Variants in SYDE1 observed in about 807,000 individuals in gnomAD.
SYDE1 encodes the protein rho GTPase-activating protein SYDE1.
SYDE1 carries 34 observed loss-of-function variants against 63.3 expected under a neutral mutation model. That is an observed-to-expected ratio of 0.54 (90% CI 0.41 to 0.71). The LOEUF (loss-of-function observed/expected upper bound fraction) is 0.71. Ranked by LOEUF, SYDE1 falls within the 30% of genes least tolerant of loss-of-function variation. SYDE1 has a pLI of 0.00. For synonymous variants in SYDE1, 467 were observed against 473.4 expected, an observed-to-expected ratio of 0.99 and a Z score of 0.18; for missense variants, 925 against 1,042.5, an observed-to-expected ratio of 0.89 and a Z score of 1.55.
rs1167864230 is a variant in SYDE1, at chr19:15,109,113, A to G, written c.146A>G (p.Glu49Gly). 6.5e-7 allele frequency: 1 copy of G among 1,545,552 alleles called. No homozygotes were observed. Among genetic ancestry groups the G allele is most frequent in the Non-Finnish European group, 8.7e-7 (1 of 1,145,332 alleles). ...SPPEPEPQAP[E>G]GSQAGAEGPS... ...CCAGAGCCAGAGCCCCAGGCTCCCG[A>G]AGGGTCCCAGGCCGGAGCAGAGGGG... is the stretch of plus-strand genomic sequence containing the variant. The change falls in exon 2 of 8, where the codon GAA (glutamate) becomes GGA (glycine). Residue 49 changes from glutamate (E) to glycine (G), a missense_variant. Glu to Gly is a moderately conservative substitution (Grantham distance 98). Around this residue, in one of 3 missense-constraint regions of SYDE1, gnomAD observed 599 missense variants for 653.7 expected, o/e 0.92. Transcript: ENST00000342784. This position sits in a 1 kb window ranked among gnomAD's most constrained non-coding sequence, Gnocchi z 5.0.
In SYDE1 at chr19:15,108,943, A is replaced by T. The variant is rs2046322800; in HGVS notation, c.89-113A>T. 7.1e-7 allele frequency: 1 copy of T among 1,405,454 alleles called. No homozygotes were observed. The highest frequency in any genetic ancestry group is 3.0e-5 in the Admixed American group (1 of 33,150). 87.1% of individuals were successfully genotyped at this position (1,405,454 alleles called of 1,614,324 possible). On this transcript the variant is annotated intron_variant, in intron 1 of 7. Coordinates refer to ENST00000342784, the MANE Select transcript of SYDE1 (RefSeq NM_033025.6). This position sits in a 1 kb window ranked among gnomAD's most constrained non-coding sequence, Gnocchi z 4.3. ...AGCAGGATCCAAGGAACCATGACTT[A>T]TCAGGGGCCGGCCAGGGCCGTACAC... is the stretch of plus-strand genomic sequence containing the variant.
rs747842468 is a variant in SYDE1, at chr19:15,113,803, GCGAGGA to G, written c.2061_2066del (p.Asp687_Glu688del). ...TACGACCACGTGACGGGCAGTGACA[GCGAGGA>G]CGAGGACGAGGAGGTCGGCGAGCCG... On this transcript the variant is annotated inframe_deletion, in exon 8 of 8. Coordinates refer to ENST00000342784, the MANE Select transcript of SYDE1 (RefSeq NM_033025.6). 1.9e-4 allele frequency: 314 copies of G among 1,614,036 alleles called. 1 individual carries two copies. Among genetic ancestry groups the G allele is most frequent in the Non-Finnish European group, 2.4e-4 (284 of 1,180,060 alleles).
Position 15,111,184 on chromosome 19 carries a change from G to A in SYDE1, c.1291-129G>A. 1.0e-6 allele frequency: 1 copy of A among 997,970 alleles called. No individual in the cohort carries two copies. Among genetic ancestry groups the A allele is most frequent in the South Asian group, 1.5e-5 (1 of 64,998 alleles). 61.8% of individuals were successfully genotyped at this position (997,970 alleles called of 1,614,324 possible). A position where few individuals can be genotyped will look rare whatever the true frequency, so the allele number is the denominator to read the frequency against. ...AGGGTTTACAAGGCCAGGTTGTCAA[G>A]GTAGTTCCAACCTCCCAGCCCACAA... On this transcript the variant is annotated intron_variant, in intron 4 of 7. Transcript: ENST00000342784. This position sits in a 1 kb window ranked among gnomAD's most constrained non-coding sequence, Gnocchi z 5.5.
Position 15,108,860 on chromosome 19 carries a change from G to A in SYDE1, c.89-196G>A. 1 of 779,238 alleles carries A rather than the reference G, an allele frequency of 1.3e-6. No individual in the cohort carries two copies. Among genetic ancestry groups the A allele is most frequent in the Non-Finnish European group, 1.8e-6 (1 of 540,904 alleles). 48.3% of individuals were successfully genotyped at this position (779,238 alleles called of 1,614,324 possible). ...TTGGGATGCCAGGGACTGAGTAGGG[G>A]GTGCTCTAAGCTGATAACTGAGATC... On this transcript the variant is annotated intron_variant, in intron 1 of 7. Coordinates refer to ENST00000342784, the MANE Select transcript of SYDE1 (RefSeq NM_033025.6). This position sits in a 1 kb window ranked among gnomAD's most constrained non-coding sequence, Gnocchi z 4.3.
In SYDE1 at chr19:15,112,373, C is replaced by G; in HGVS notation, c.1606C>G (p.Leu536Val). Residue 536 changes from leucine (L) to valine (V), a missense_variant, in exon 7 of 8, where the codon CTG becomes GTG. Coordinates refer to ENST00000342784, the MANE Select transcript of SYDE1 (RefSeq NM_033025.6). The stretch of plus-strand genomic sequence containing the variant: ...CACGCTGACGCTTCTCCTGGACCAC[C>G]TGCGCCTCGTCTCCTCCTTCCATGC... ...RATLTLLLDHLRLVSSFHAYN... is the reference protein window; with the variant it reads ...RATLTLLLDHVRLVSSFHAYN... 1.3e-6 allele frequency: 2 copies of G among 1,581,974 alleles called. No homozygotes were observed. Among genetic ancestry groups the G allele is most frequent in the Non-Finnish European group, 1.7e-6 (2 of 1,163,584 alleles).
chr19:15,112,674 C>G lies in SYDE1; in HGVS notation c.1804+103C>G, dbSNP rs1281776528. On this transcript the variant is annotated intron_variant, in intron 7 of 7. Coordinates refer to ENST00000342784, the MANE Select transcript of SYDE1 (RefSeq NM_033025.6). ...TGTCTTAGGCTTGAAGCTACGCCCC[C>G]TCATGGAGTAAACTGGTACCTGGTT... The G allele has an allele frequency of 4.0e-6, 4 of 995,346 alleles. No homozygotes were observed. The African/African-American group carries it at 6.5e-5, about 16-fold the overall frequency. The allele number at this position is 995,346 out of a possible 1,614,324, so 61.7% of individuals were successfully genotyped here.
chr19:15,113,005 A>T (rs2046355069), intron 7 of SYDE1, among the ~76,000 whole-genome samples: 1 of 152,116 alleles, frequency 6.6e-6, no homozygotes, highest in Admixed American at 6.5e-5. Flanking sequence ...CCCAGGTTCA[A>T]GGGATTCTCC....
Position 15,114,294 on chromosome 19 carries a change from C to T in SYDE1, c.*331C>T, listed in dbSNP as rs943295635. On this transcript the variant is annotated 3_prime_UTR_variant, in exon 8 of 8. Transcript: ENST00000342784. ...CTGGCCTCTCTTGCCTCCCCTTGGC[C>T]GGGGCAACACCAGTTACTGTGAGCA... 16 of 321,712 alleles carry T rather than the reference C, an allele frequency of 5.0e-5. No individual in the cohort carries two copies. The highest frequency in any genetic ancestry group is 8.1e-5 in the Non-Finnish European group (14 of 172,174). The allele number at this position is 321,712 out of a possible 1,614,324, so 19.9% of individuals were successfully genotyped here.
Position 15,114,786 on chromosome 19 carries a change from G to A in SYDE1, c.*823G>A. 7.7e-6 allele frequency: 2 copies of A among 260,166 alleles called. No individual in the cohort carries two copies. Among genetic ancestry groups the A allele is most frequent in the South Asian group, 9.0e-5 (2 of 22,106 alleles). The allele number at this position is 260,166 out of a possible 1,614,324, so 16.1% of individuals were successfully genotyped here. A position where few individuals can be genotyped will look rare whatever the true frequency, so the allele number is the denominator to read the frequency against. On this transcript the variant is annotated 3_prime_UTR_variant, in exon 8 of 8. Transcript: ENST00000342784. ...ACTGGTGTGCGTGGACACGTCTGAA[G>A]CAGGCGTGTGGGGCTCTTTCAGGGA...
chr19:15,114,616 GC>G lies in SYDE1; in HGVS notation c.*661del, dbSNP rs71168574. 0.061 allele frequency: 5,300 copies of G among 86,230 alleles called. 196 individuals carry two copies. Among genetic ancestry groups the G allele is most frequent in the African/African-American group, 0.12 (3,090 of 26,442 alleles). 5.3% of individuals were successfully genotyped at this position (86,230 alleles called of 1,614,324 possible). On this transcript the variant is annotated 3_prime_UTR_variant, in exon 8 of 8. Coordinates refer to ENST00000342784, the MANE Select transcript of SYDE1 (RefSeq NM_033025.6). ...TGGCCTTTCCAATCCCCATCTCCTT[GC>G]CCCCCCCTTGCCCCCCCCCCCGAAA...
rs200419053 is a variant in SYDE1 at position 15,113,776 on chromosome 19, A to C, written c.2021A>C (p.Asp674Ala). ...PCGRDFLSGP[D>A]YDHVTGSDSE... ...GGGCGGGATTTCCTGTCCGGGCCAGACTACGACCACGTGACGGGCAGTGAC... is the reference window on the plus strand; with the variant it reads ...GGGCGGGATTTCCTGTCCGGGCCAGCCTACGACCACGTGACGGGCAGTGAC... Residue 674 changes from aspartate (D) to alanine (A), a missense_variant, in exon 8 of 8, where the codon GAC becomes GCC. By Grantham distance (126) the Asp-to-Ala change is moderately radical. Transcript: ENST00000342784. 3.3e-5 allele frequency: 54 copies of C among 1,614,148 alleles called. No homozygotes were observed. In the East Asian group the frequency reaches 8.2e-4, roughly 25 times the overall value.
rs1310639134 is a variant in SYDE1, at chr19:15,108,877, A to T, written c.89-179A>T. 2.0e-6 allele frequency: 2 copies of T among 1,002,906 alleles called. No individual in the cohort carries two copies. The highest frequency in any genetic ancestry group is 6.7e-5 in the Admixed American group (2 of 29,806). The allele number at this position is 1,002,906 out of a possible 1,614,324, so 62.1% of individuals were successfully genotyped here. On this transcript the variant is annotated intron_variant, in intron 1 of 7. Coordinates refer to ENST00000342784, the MANE Select transcript of SYDE1 (RefSeq NM_033025.6). The surrounding 1 kb of genome is among the most constrained non-coding windows in gnomAD (Gnocchi z 4.3). ...GAGTAGGGGGTGCTCTAAGCTGATA[A>T]CTGAGATCGCTAGCCTGTGGCTGCC...
rs564360174 is a variant in SYDE1, at chr19:15,112,923, G to T, written c.1804+352G>T. ...TTTATTTTTATTTTTTATTTTTTTT[G>T]AGATGGAGTCTTGCTCTCTAGCCCA... On this transcript the variant is annotated intron_variant, in intron 7 of 7. Transcript: ENST00000342784. Among the ~76,000 whole-genome samples, 291 of 151,518 alleles carry T rather than the reference G, an allele frequency of 1.9e-3. 3 individuals carry two copies. Among genetic ancestry groups the T allele is most frequent in the Admixed American group, 0.017 (266 of 15,238 alleles).
At position 15,113,887 on chromosome 19, in the gene SYDE1, T is replaced by A; in HGVS notation, c.2132T>A (p.Leu711Gln). Residue 711 changes from leucine to glutamine, a missense_variant, in exon 8 of 8, where the codon CTG becomes CAG. Coordinates refer to ENST00000342784, the MANE Select transcript of SYDE1 (RefSeq NM_033025.6). Reference sequence around the variant, plus strand: ...TTCGATGCGCCCTTCAACCCGCACCTGAATCTCAAAGACTTCGACGCCCTC... The same window carrying A: ...TTCGATGCGCCCTTCAACCCGCACCAGAATCTCAAAGACTTCGACGCCCTC... ...DDFDAPFNPH[L>Q]NLKDFDALIL... 6.2e-7 allele frequency: 1 copy of A among 1,614,176 alleles called. No individual in the cohort carries two copies. The highest frequency in any genetic ancestry group is 1.3e-5 in the African/African-American group (1 of 75,070).
chr19:15,110,487 A>G lies in SYDE1; in HGVS notation c.1076-34A>G. On this transcript the variant is annotated intron_variant, in intron 3 of 7. Transcript: ENST00000342784. This position sits in a 1 kb window ranked among gnomAD's most constrained non-coding sequence, Gnocchi z 6.9. ...GAGGCCAGGGTACATGAAGCTTCAG[A>G]GCACACCCGGCTCAGGCCCCCTTGT... is the stretch of plus-strand genomic sequence containing the variant. 1 of 1,537,250 alleles carries G rather than the reference A, an allele frequency of 6.5e-7. No homozygotes were observed. Among genetic ancestry groups the G allele is most frequent in the Non-Finnish European group, 8.8e-7 (1 of 1,141,958 alleles).
chr19:15,112,306 C>T, intron 6 of SYDE1, 40 bp from the exon 7 acceptor site: 1 of 1,448,490 alleles, frequency 6.9e-7, no homozygotes, highest in Non-Finnish European at 9.4e-7. Context: ...CCACAGGGGC[C>T]TGACTTTGTC....
chr19:15,107,619 G>C, intron 1 of SYDE1, 98 bp downstream of exon 1: 1 of 809,868 alleles, frequency 1.2e-6, no homozygotes, highest in South Asian at 1.6e-5. Flanking sequence ...GGGGATCAGG[G>C]GGAGCCCCCC....
At position 15,110,002 on chromosome 19, in the gene SYDE1, A is replaced by G. The variant is rs2145323867; in HGVS notation, c.729A>G (p.Pro243=). The change falls in exon 3 of 8, where the codon CCA becomes CCG. Residue 243 remains proline, a synonymous_variant. Coordinates refer to ENST00000342784, the MANE Select transcript of SYDE1 (RefSeq NM_033025.6). This position sits in a 1 kb window ranked among gnomAD's most constrained non-coding sequence, Gnocchi z 6.9. ...GDSPERPAGP[P]SPTSFRPYEV... ...CACCGGAGCGCCCAGCTGGGCCCCC[A>G]TCACCCACCTCCTTCCGGCCCTACG... 1 of 1,496,692 alleles carries G rather than the reference A, an allele frequency of 6.7e-7. No individual in the cohort carries two copies. Among genetic ancestry groups the G allele is most frequent in the South Asian group, 1.3e-5 (1 of 79,726 alleles). 92.7% of individuals were successfully genotyped at this position (1,496,692 alleles called of 1,614,324 possible). A position where few individuals can be genotyped will look rare whatever the true frequency, so the allele number is the denominator to read the frequency against.
intron 6 of SYDE1, among the ~76,000 whole-genome samples, chr19:15,112,050 T>C (rs953431159): frequency 2.6e-5 from 4 of 152,192 alleles, no homozygotes; most frequent in Non-Finnish European, 5.9e-5. Context: ...GGGAGGTTCC[T>C]GGCTGAGGGA....
Sources: allele counts gnomAD v4.1 joint callset (sites outside exome capture counted in the v4.1 genomes callset), GRCh38; gene constraint gnomAD v4.1.1; regional missense constraint gnomAD v4.1.1; non-coding constraint Gnocchi (gnomAD v3.1); transcripts MANE v1.5; gene names NCBI Gene and HGNC (gene_info 2026-07-23, HGNC 2026-07-21).